SPTB: variants seen among roughly 807,000 people sequenced by gnomAD.
SPTB encodes spectrin beta, erythrocytic.
A neutral mutation model predicts 256.2 loss-of-function variants in SPTB; 45 were observed. The ratio of observed to expected loss-of-function variants is 0.18; its 90% CI spans 0.14 to 0.23. The LOEUF (loss-of-function observed/expected upper bound fraction) is 0.23, where lower values mean the gene tolerates loss of function less well. Among genes scored for constraint, SPTB ranks in the 10% least tolerant of loss-of-function variants. The pLI, the probability that SPTB is intolerant of heterozygous loss-of-function variation, is 1.00. For missense variants in SPTB, 2,715 were observed against 3,040.4 expected (o/e 0.89, Z 2.52); for synonymous variants, 1,231 against 1,243.1 (o/e 0.99, Z 0.21).
Position 64,841,964 on chromosome 14 carries a change from TA to T in SPTB, c.-51-18820del, listed in dbSNP as rs754424766. The stretch of plus-strand genomic sequence containing the variant: ...AGAGCACCCCCAGTTCTGAGCACAG[TA>T]ACTGGGCTACTCAGAAGTTCCACTG... On this transcript the variant is annotated intron_variant, in intron 1 of 35. Coordinates refer to ENST00000644917, the MANE Select transcript of SPTB (RefSeq NM_001355436.2). This position sits in a 1 kb window ranked among gnomAD's most constrained non-coding sequence, Gnocchi z 4.6. 3.5e-4 allele frequency among the ~76,000 whole-genome samples: 53 copies of T among 152,188 alleles called. 1 individual carries two copies. Among genetic ancestry groups the T allele is most frequent in the Admixed American group, 3.5e-3 (53 of 15,278 alleles).
Position 64,796,600 on chromosome 14 carries a change from A to T in SPTB, c.1298T>A (p.Met433Lys). Residue 433 changes from methionine to lysine, a missense_variant, in exon 11 of 36, where the codon ATG becomes AAG. Around this residue, in one of 4 missense-constraint regions of SPTB, gnomAD observed 416 missense variants for 571.1 expected, o/e 0.73. Coordinates refer to ENST00000644917, the MANE Select transcript of SPTB (RefSeq NM_001355436.2). The surrounding 1 kb of genome is among the most constrained non-coding windows in gnomAD (Gnocchi z 4.1). ...GTTTTCACTGAGCCAGGTCTCTCTC[A>T]TTGCGGCCTTCCGGTCAAAGCGCCG... ...LARRFDRKAAMRETWLSENQR... is the reference protein window; with the variant it reads ...LARRFDRKAAKRETWLSENQR... The T allele has an allele frequency of 1.2e-6, 2 of 1,614,178 alleles. No individual in the cohort carries two copies. The highest frequency in any genetic ancestry group is 1.7e-6 in the Non-Finnish European group (2 of 1,180,038).
chr14:64,753,622 G>A lies in SPTB; in HGVS notation c.6517C>T (p.Arg2173Trp), dbSNP rs1397889689. The change falls in exon 33 of 36, where the codon CGG becomes TGG. Residue 2173 changes from arginine to tryptophan, a missense_variant. This residue lies in a region of SPTB where 2,239 missense variants were observed against 2,384.4 expected (regional missense o/e 0.94). Transcript: ENST00000644917. ...ATCTGCACACTCTGCCCATGGTCCC[G>A]CGGGGCCGGCAGCGTTGCGGGCTCA... ...GDEPATLPAP[R>W]DHGQSVQMEG... 1.2e-5 allele frequency: 19 copies of A among 1,613,506 alleles called. No homozygotes were observed. The highest frequency in any genetic ancestry group is 4.5e-5 in the East Asian group (2 of 44,884).
Position 64,749,337 on chromosome 14 carries a change from T to C in SPTB, c.6956A>G (p.Lys2319Arg). ...CTTTTTGGGGAAGAAGCTGAATCTC[T>C]TCTCCTTGTCTTTCTTGCCGAGGCT... is the stretch of plus-strand genomic sequence containing the variant. Reference protein sequence around the residue: ...DASLGKKDKEKRFSFFPKKK With the variant: ...DASLGKKDKERRFSFFPKKK Residue 2319 changes from lysine to arginine, a missense_variant, in exon 36 of 36, where the codon AAG becomes AGG. Transcript: ENST00000644917. The surrounding 1 kb of genome is among the most constrained non-coding windows in gnomAD (Gnocchi z 4.7). The C allele has an allele frequency of 6.2e-7, 1 of 1,609,660 alleles. No individual in the cohort carries two copies. Among genetic ancestry groups the C allele is most frequent in the Non-Finnish European group, 8.5e-7 (1 of 1,179,238 alleles).
chr14:64,749,612 C>T lies in SPTB; in HGVS notation c.6819+42G>A, dbSNP rs1270233957. 1.2e-6 allele frequency: 2 copies of T among 1,612,458 alleles called. No individual in the cohort carries two copies. Among genetic ancestry groups the T allele is most frequent in the Middle Eastern group, 1.7e-4 (1 of 6,060 alleles). ...CAAGCGGCCTGGGGTCCTCCACCTA[C>T]CCCCTTCTTAGCCAGGTCTGGGCTA... On this transcript the variant is annotated intron_variant, in intron 35 of 35. Transcript: ENST00000644917. This position sits in a 1 kb window ranked among gnomAD's most constrained non-coding sequence, Gnocchi z 4.7.
At chr14:64,851,958 A>G (rs550878061) in intron 1 of SPTB, among the ~76,000 whole-genome samples, 1 of 152,112 alleles carries the variant, frequency 6.6e-6, no homozygotes, top group East Asian at 1.9e-4. Flanking sequence ...TGTGCAGAAA[A>G]CCACCAGGGC....
intron 1 of SPTB, among the ~76,000 whole-genome samples, chr14:64,864,932 G>C (rs577660577): frequency 6.6e-6 from 1 of 152,152 alleles, no homozygotes; most frequent in East Asian, 1.9e-4. Context: ...GCAAGCTCAT[G>C]CCAATAACTC....
In SPTB at chr14:64,805,170, A is replaced by G. The variant is rs956682488; in HGVS notation, c.149-80T>C. ...ACATGGGGCCAAGGGGTTTTACCTT[A>G]AGCCCAGGGTACCCCCATGCTTGGC... On this transcript the variant is annotated intron_variant, in intron 2 of 35. Coordinates refer to ENST00000644917, the MANE Select transcript of SPTB (RefSeq NM_001355436.2). 8 of 1,524,970 alleles carry G rather than the reference A, an allele frequency of 5.2e-6. No homozygotes were observed. The South Asian group carries it at 9.0e-5, about 17-fold the overall frequency. 94.5% of individuals were successfully genotyped at this position (1,524,970 alleles called of 1,614,324 possible).
intron 1 of SPTB, among the ~76,000 whole-genome samples, chr14:64,830,023 T>G (rs1042835618): frequency 6.6e-6 from 1 of 152,218 alleles, no homozygotes; most frequent in African/African-American, 2.4e-5. Flanking sequence ...TCTTCTCAGA[T>G]GTCGCTTCCT....
chr14:64,772,511 C>T lies in SPTB; in HGVS notation c.5553+69G>A, dbSNP rs1052770745. On this transcript the variant is annotated intron_variant, in intron 26 of 35. Transcript: ENST00000644917. The surrounding 1 kb of genome is among the most constrained non-coding windows in gnomAD (Gnocchi z 5.4). ...ATCCTAGAGGTTTTCCTGCTGACAGCCAGGTGGGGACTGACACCCAGGGCT... is the reference window on the plus strand; with the variant it reads ...ATCCTAGAGGTTTTCCTGCTGACAGTCAGGTGGGGACTGACACCCAGGGCT... The T allele has an allele frequency of 3.0e-5, 48 of 1,584,166 alleles. No homozygotes were observed. In the Middle Eastern group the frequency reaches 1.1e-3, roughly 37 times the overall value.
chr14:64,749,111 C>A lies in SPTB; in HGVS notation c.*195G>T. The A allele has an allele frequency of 1.8e-6, 1 of 570,052 alleles. No individual in the cohort carries two copies. The highest frequency in any genetic ancestry group is 2.9e-6 in the Non-Finnish European group (1 of 341,652). The allele number at this position is 570,052 out of a possible 1,614,324, so 35.3% of individuals were successfully genotyped here. ...GTCCCTGGAGCGGAGCCAGCGCGGG[C>A]GAGGGCATGGAGGGGGCGTCGGCCC... On this transcript the variant is annotated 3_prime_UTR_variant, in exon 36 of 36. Transcript: ENST00000644917. The surrounding 1 kb of genome is among the most constrained non-coding windows in gnomAD (Gnocchi z 4.7).
At chr14:64,768,051 A>AT (rs1249193306) in intron 29 of SPTB, 192 bp from the exon 30 acceptor site, 5 of 651,940 alleles carry the variant, frequency 7.7e-6, no homozygotes, top group South Asian at 1.8e-5. Context: ...CAATAGTTAT[A>AT]TTTTTTTAGA....
intron 8 of SPTB, among the ~76,000 whole-genome samples, chr14:64,800,459 CAAACCACAT>C (rs2082861679): frequency 6.6e-6 from 1 of 152,300 alleles, no homozygotes; most frequent in African/African-American, 2.4e-5. Flanking sequence ...TCACAATAAA[CAAACCACAT>C]AAAAGCCTGG....
At position 64,801,756 on chromosome 14, in the gene SPTB, G is replaced by T. The variant is rs754140720; in HGVS notation, c.645C>A (p.His215Gln). ...CACGGCTGTCCCCTCCCTCTTACCG[G>T]TGCTTGTGTATCAGGGCATTAAAGG... ...GLAFNALIHK[H>Q]RPDLIDFDKL... Residue 215 changes from histidine to glutamine, a missense_variant and splice_region_variant, in exon 6 of 36, where the codon CAC becomes CAA. Coordinates refer to ENST00000644917, the MANE Select transcript of SPTB (RefSeq NM_001355436.2). 2 of 1,614,078 alleles carry T rather than the reference G, an allele frequency of 1.2e-6. No homozygotes were observed. Among genetic ancestry groups the T allele is most frequent in the East Asian group, 4.5e-5 (2 of 44,878 alleles).
chr14:64,753,879 C>T, intron 32 of SPTB, 86 bp from the exon 33 acceptor site: 1 of 1,538,790 alleles, frequency 6.5e-7, no homozygotes, highest in Non-Finnish European at 8.8e-7. Flanking sequence ...AGGTCAGCAG[C>T]CACCCTCTCC....
chr14:64,868,544 C>T (rs969103788), intron 1 of SPTB, among the ~76,000 whole-genome samples: 6 of 152,172 alleles, frequency 3.9e-5, no homozygotes, highest in African/African-American at 9.6e-5. Context: ...GGAGGTCAGA[C>T]TAGAGATAAA....
At position 64,778,018 on chromosome 14, in the gene SPTB, G is replaced by C. The variant is rs1209142442; in HGVS notation, c.4563+1139C>G. On this transcript the variant is annotated intron_variant, in intron 22 of 35. Coordinates refer to ENST00000644917, the MANE Select transcript of SPTB (RefSeq NM_001355436.2). This position sits in a 1 kb window ranked among gnomAD's most constrained non-coding sequence, Gnocchi z 5.2. ...TAGAGTTGGCTCATTTTACAATTAA[G>C]GAAACTGAGGTCCCAAGGATACCAT... Among the ~76,000 whole-genome samples, 1 of 152,154 alleles carries C rather than the reference G, an allele frequency of 6.6e-6. No individual in the cohort carries two copies. The highest frequency in any genetic ancestry group is 1.5e-5 in the Non-Finnish European group (1 of 68,024).
chr14:64,747,007 G>A lies in SPTB; in HGVS notation c.*2299C>T, dbSNP rs1044730116. 8 of 152,754 alleles carry A rather than the reference G, an allele frequency of 5.2e-5. No individual in the cohort carries two copies. Among genetic ancestry groups the A allele is most frequent in the African/African-American group, 1.4e-4 (6 of 41,454 alleles). The allele number at this position is 152,754 out of a possible 1,614,324, so 9.5% of individuals were successfully genotyped here. On this transcript the variant is annotated 3_prime_UTR_variant, in exon 36 of 36. Transcript: ENST00000644917. ...TTCAGTCTAGTTGGTCGAATGTCTT[G>A]GAGCCTGGGTGACAGGAGGGATGTG... is the stretch of plus-strand genomic sequence containing the variant.
At position 64,753,426 on chromosome 14, in the gene SPTB, C is replaced by T. The variant is rs1360515756; in HGVS notation, c.6602+111G>A. 3 of 1,552,140 alleles carry T rather than the reference C, an allele frequency of 1.9e-6. No homozygotes were observed. The East Asian group carries it at 6.9e-5, about 35-fold the overall frequency. Reference sequence around the variant, plus strand: ...GTCTAGGAGCTCTCACAGGCCAAGGCAGAAGGCACCCCTCCCCCAGCACAT... The same window carrying T: ...GTCTAGGAGCTCTCACAGGCCAAGGTAGAAGGCACCCCTCCCCCAGCACAT... On this transcript the variant is annotated intron_variant, in intron 33 of 35. Coordinates refer to ENST00000644917, the MANE Select transcript of SPTB (RefSeq NM_001355436.2).
At chr14:64,859,901 G>A (rs2083937358) in intron 1 of SPTB, among the ~76,000 whole-genome samples, 1 of 149,916 alleles carries the variant, frequency 6.7e-6, no homozygotes, top group Non-Finnish European at 1.5e-5. Flanking sequence ...TTACATTTGT[G>A]ATCAGAAAAA....
Sources: allele counts gnomAD v4.1 joint callset (sites outside exome capture counted in the v4.1 genomes callset), GRCh38; gene constraint gnomAD v4.1.1; regional missense constraint gnomAD v4.1.1; non-coding constraint Gnocchi (gnomAD v3.1); transcripts MANE v1.5; gene names NCBI Gene and HGNC (gene_info 2026-07-23, HGNC 2026-07-21).